The following PPP6R3 variants were observed in gnomAD, a reference collection of about 807,000 sequenced individuals.
PPP6R3 encodes serine/threonine-protein phosphatase 6 regulatory subunit 3.
Under a neutral mutation model 110.7 loss-of-function variants are expected in PPP6R3, and 38 were observed. The observed-to-expected ratio is 0.34, with a 90% CI of 0.26 to 0.45. PPP6R3 has a LOEUF of 0.45. PPP6R3 is among the 20% of genes least tolerant of loss of function. PPP6R3 has a pLI of 1.00. For synonymous variants in PPP6R3, 369 were observed against 373.5 expected (o/e 0.99, Z 0.14); for missense variants, 870 against 1,062.4 (o/e 0.82, Z 2.52).
chr11:68,548,461 G>T (rs1026331029), intron 5 of PPP6R3, among the ~76,000 whole-genome samples: 1 of 152,108 alleles, frequency 6.6e-6, no homozygotes, highest in Admixed American at 6.5e-5. Flanking sequence ...CCTTTTGCTG[G>T]TTTGCTTTTT....
chr11:68,609,523 G>A, intron 22 of PPP6R3: 1 of 1,416,288 alleles, frequency 7.1e-7, no homozygotes, highest in South Asian at 1.2e-5. Context: ...TGCAGTCGTG[G>A]ACATATTATT....
At chr11:68,567,290 T>G in intron 10 of PPP6R3, 124 bp downstream of exon 10, 1 of 1,080,410 alleles carries the variant, frequency 9.3e-7, no homozygotes. Context: ...GCATAAATGG[T>G]GTTTTATGTA....
chr11:68,602,371 C>T (rs989994772), intron 21 of PPP6R3, among the ~76,000 whole-genome samples: 6 of 152,156 alleles, frequency 3.9e-5, no homozygotes, highest in Non-Finnish European at 5.9e-5. Flanking sequence ...ATTTTCACTT[C>T]GCCATTGTAA....
intron 8 of PPP6R3, among the ~76,000 whole-genome samples, chr11:68,558,880 A>G (rs1325544554): frequency 2.0e-5 from 3 of 152,176 alleles, no homozygotes; most frequent in Non-Finnish European, 4.4e-5. Context: ...TGGTGACACT[A>G]TTTATTGGCA....
intron 8 of PPP6R3, among the ~76,000 whole-genome samples, chr11:68,563,020 T>C (rs2099430873): frequency 6.6e-6 from 1 of 150,784 alleles, no homozygotes; most frequent in Non-Finnish European, 1.5e-5. Flanking sequence ...ATATGAAGAA[T>C]ACCTAGGCTG....
intron 22 of PPP6R3, among the ~76,000 whole-genome samples, chr11:68,607,031 C>G (rs1011123830): frequency 6.6e-6 from 1 of 152,154 alleles, no homozygotes; most frequent in Non-Finnish European, 1.5e-5. Context: ...TAACCCAAGT[C>G]TCTATAGAGA....
At chr11:68,569,660 T>C in intron 10 of PPP6R3, 88 bp from the exon 11 acceptor site, 1 of 1,205,376 alleles carries the variant, frequency 8.3e-7, no homozygotes. Context: ...TCATTTTTAC[T>C]TTATTAAATC....
chr11:68,490,072 C>G (rs2098974311), intron 1 of PPP6R3, among the ~76,000 whole-genome samples: 1 of 152,140 alleles, frequency 6.6e-6, no homozygotes, highest in Non-Finnish European at 1.5e-5. Context: ...CTCCAGTCCT[C>G]TAATCTGTGT....
chr11:68,562,778 A>G lies in PPP6R3; in HGVS notation c.846-1525A>G, dbSNP rs565151735. On this transcript the variant is annotated intron_variant, in intron 8 of 23. Coordinates refer to ENST00000393800, the MANE Select transcript of PPP6R3 (RefSeq NM_001164161.2). ...TTAACTCAAAATGGATGATAGAACT[A>G]GACATAAAACTAGTAGTTCTAGAAG... Among the ~76,000 whole-genome samples, 16 of 152,350 alleles carry G rather than the reference A, an allele frequency of 1.1e-4. No homozygotes were observed. In the South Asian group the frequency reaches 1.7e-3, roughly 16 times the overall value.
chr11:68,496,853 CTTTTTTTTT>C (rs1157617908), intron 1 of PPP6R3, among the ~76,000 whole-genome samples: 11 of 61,274 alleles, frequency 1.8e-4, no homozygotes, highest in South Asian at 7.2e-4. Flanking sequence ...ATATTCTTGT[CTTTTTTTTT>C]TTTTTTTTTT....
intron 2 of PPP6R3, among the ~76,000 whole-genome samples, chr11:68,531,462 C>T (rs566834224): frequency 7.2e-5 from 11 of 152,102 alleles, no homozygotes; most frequent in Middle Eastern, 3.4e-3. Flanking sequence ...CTCAGCCTCC[C>T]GAGTAGCTGG....
Position 68,551,148 on chromosome 11 carries a change from A to T in PPP6R3, c.580A>T (p.Arg194Trp). The T allele has an allele frequency of 6.2e-7, 1 of 1,611,522 alleles. No individual in the cohort carries two copies. Residue 194 changes from arginine (R) to tryptophan (W), a missense_variant, in exon 6 of 24, where the codon AGG (arginine) becomes TGG (tryptophan). By Grantham distance (101) the Arg-to-Trp change is moderately radical. Coordinates refer to ENST00000393800, the MANE Select transcript of PPP6R3 (RefSeq NM_001164161.2). ...GTTAAATGAGGAGAAAATTATCCAG[A>T]GGCTTGTGGAAATAGTTCATCCATC... ...NWLNEEKIIQRLVEIVHPSQE... is the reference protein window; with the variant it reads ...NWLNEEKIIQWLVEIVHPSQE...
At chr11:68,497,529 A>T (rs1262592684) in intron 1 of PPP6R3, among the ~76,000 whole-genome samples, 1 of 151,062 alleles carries the variant, frequency 6.6e-6, no homozygotes, top group Non-Finnish European at 1.5e-5. Flanking sequence ...ATTTTTTTGT[A>T]TTTTTTGTAG....
chr11:68,593,494 A>G (rs1294052910), intron 18 of PPP6R3, among the ~76,000 whole-genome samples: 1 of 152,224 alleles, frequency 6.6e-6, no homozygotes, highest in Non-Finnish European at 1.5e-5. Context: ...TTGAAGATAG[A>G]TTGTGATGTT....
intron 8 of PPP6R3, 100 bp from the exon 9 acceptor site, chr11:68,564,203 A>C (rs2099445501): frequency 2.4e-6 from 3 of 1,253,832 alleles, no homozygotes; most frequent in South Asian, 1.5e-5. Context: ...CCGCAGCCAG[A>C]AAAGTTGATA....
chr11:68,515,803 A>G (rs891465982), intron 1 of PPP6R3, among the ~76,000 whole-genome samples: 6 of 152,206 alleles, frequency 3.9e-5, no homozygotes, highest in Non-Finnish European at 8.8e-5. Flanking sequence ...GGACTTCAAC[A>G]TATGAGTGGA....
chr11:68,531,845 A>G (rs1359015118), intron 2 of PPP6R3, among the ~76,000 whole-genome samples: 1 of 152,192 alleles, frequency 6.6e-6, no homozygotes, highest in African/African-American at 2.4e-5. Context: ...CCTCAGGGCT[A>G]GCCAATAGTG....
In PPP6R3 at chr11:68,571,309, C is replaced by A. The variant is rs1184706159; in HGVS notation, c.1343+205C>A. ...TTGTTAGGTCCTCTTGTTTTTGGGG[C>A]AAAACAAGTGAGTTCGGAGTGTTCC... On this transcript the variant is annotated intron_variant, in intron 12 of 23. Transcript: ENST00000393800. The A allele has an allele frequency of 5.8e-6, 4 of 690,748 alleles. No homozygotes were observed. In the African/African-American group the frequency reaches 7.5e-5, roughly 13 times the overall value. 42.8% of individuals were successfully genotyped at this position (690,748 alleles called of 1,614,324 possible).
chr11:68,473,133 A>G (rs900966337), intron 1 of PPP6R3, among the ~76,000 whole-genome samples: 1 of 152,222 alleles, frequency 6.6e-6, no homozygotes, highest in African/African-American at 2.4e-5. Flanking sequence ...ACTGATGGCT[A>G]GCTGACCTAG....
Sources: allele counts gnomAD v4.1 joint callset (sites outside exome capture counted in the v4.1 genomes callset), GRCh38; gene constraint gnomAD v4.1.1; transcripts MANE v1.5; gene names NCBI Gene and HGNC (gene_info 2026-07-23, HGNC 2026-07-21).